Variants in SLC35F4 observed in about 807,000 individuals in gnomAD.
The protein encoded by SLC35F4 is solute carrier family 35 member F4.
In SLC35F4, 24 loss-of-function variants were observed where a neutral mutation model predicts 44.2. That is an observed-to-expected ratio of 0.54 (90% CI 0.39 to 0.76). The LOEUF is 0.76. Ranked by LOEUF, SLC35F4 falls within the 30% of genes least tolerant of loss-of-function variation. The pLI is 0.00. For missense variants in SLC35F4, 562 were observed against 586.1 expected, an observed-to-expected ratio of 0.96 and a Z score of 0.42; for synonymous variants, 238 against 223.6, an observed-to-expected ratio of 1.06 and a Z score of -0.57.
rs866729953 is a variant in SLC35F4 at position 57,865,868 on chromosome 14, G to C, written c.-43C>G. The C allele has an allele frequency of 7.1e-7, 1 of 1,405,128 alleles. No individual in the cohort carries two copies. The highest frequency in any genetic ancestry group is 9.5e-7 in the Non-Finnish European group (1 of 1,054,374). The allele number at this position is 1,405,128 out of a possible 1,614,324, so 87.0% of individuals were successfully genotyped here. A position where few individuals can be genotyped will look rare whatever the true frequency, so the allele number is the denominator to read the frequency against. On this transcript the variant is annotated 5_prime_UTR_variant, in exon 1 of 8. Coordinates refer to ENST00000556826, the MANE Select transcript of SLC35F4 (RefSeq NM_001306087.2). Reference sequence around the variant, plus strand: ...GGCCCCGAGTGCGGCGGGGCGGAGAGCGCAGCGCGGGGCCCGGGAGCTGGT... The same window carrying C: ...GGCCCCGAGTGCGGCGGGGCGGAGACCGCAGCGCGGGGCCCGGGAGCTGGT...
chr14:57,618,832 T>C (rs1047968574), intron 1 of SLC35F4, among the ~76,000 whole-genome samples: 5 of 152,240 alleles, frequency 3.3e-5, no homozygotes, highest in African/African-American at 1.2e-4. Context: ...GAGGTGGACC[T>C]GGGATGCTAG....
At chr14:57,668,163 C>G (rs902035588) in intron 1 of SLC35F4, among the ~76,000 whole-genome samples, 17 of 150,912 alleles carry the variant, frequency 1.1e-4, no homozygotes, top group Non-Finnish European at 2.5e-4. Flanking sequence ...TATCCTTTGC[C>G]CACTTTTTGA....
rs143934890 is a variant in SLC35F4 at position 57,659,792 on chromosome 14, G to C, written c.104-65668C>G. 2.0e-3 allele frequency among the ~76,000 whole-genome samples: 304 copies of C among 152,230 alleles called. 1 individual carries two copies. The highest frequency in any genetic ancestry group is 6.4e-3 in the African/African-American group (267 of 41,550). Reference sequence around the variant, plus strand: ...AGGACAAATCACAGTTAGTGTCTTAGCTTAATAAACTTTACCTCCTCAAAA... The same window carrying C: ...AGGACAAATCACAGTTAGTGTCTTACCTTAATAAACTTTACCTCCTCAAAA... On this transcript the variant is annotated intron_variant, in intron 1 of 7. Coordinates refer to ENST00000556826, the MANE Select transcript of SLC35F4 (RefSeq NM_001306087.2).
At chr14:57,874,870 T>G (rs1888366781) in intron 1 of SLC35F4, among the ~76,000 whole-genome samples, 1 of 152,158 alleles carries the variant, frequency 6.6e-6, no homozygotes, top group African/African-American at 2.4e-5. Flanking sequence ...ACGATGTCTA[T>G]TTTCCAAAGT....
At chr14:57,970,755 A>G (rs1881028859) in intron 1 of SLC35F4, among the ~76,000 whole-genome samples, 1 of 152,130 alleles carries the variant, frequency 6.6e-6, no homozygotes, top group African/African-American at 2.4e-5. Context: ...TGGGCTCTGC[A>G]GCATCCCACT....
chr14:57,731,905 A>G (rs1365657298), intron 1 of SLC35F4, among the ~76,000 whole-genome samples: 1 of 152,196 alleles, frequency 6.6e-6, no homozygotes, highest in African/African-American at 2.4e-5. Context: ...CAAGTGATGA[A>G]GTTTTGATGT....
intron 1 of SLC35F4, among the ~76,000 whole-genome samples, chr14:57,772,383 AT>A (rs5808942): frequency 0.34 from 51,906 of 151,682 alleles, 10,086 homozygotes; most frequent in East Asian, 0.69. Flanking sequence ...TTTAGTTTTT[AT>A]TTTTTTTGAT....
intron 1 of SLC35F4, among the ~76,000 whole-genome samples, chr14:57,968,860 T>C (rs10459514): frequency 0.16 from 23,946 of 152,190 alleles, 1,995 homozygotes; most frequent in African/African-American, 0.17. Context: ...ATGTCAGAAA[T>C]ATTAGCAGTT....
chr14:57,703,060 G>C (rs1594834734), intron 1 of SLC35F4, among the ~76,000 whole-genome samples: 3 of 152,104 alleles, frequency 2.0e-5, no homozygotes, highest in Admixed American at 6.6e-5. Context: ...CAGCTCTTCT[G>C]CTAAGCCAGA....
intron 1 of SLC35F4, chr14:57,596,930 C>G (rs1360280041): frequency 1.5e-6 from 2 of 1,343,576 alleles, no homozygotes; most frequent in Middle Eastern, 4.2e-4. Flanking sequence ...TTAAACAATA[C>G]AAACTTTAAA....
chr14:57,750,732 T>TTTGTTG (rs143731317), intron 1 of SLC35F4, among the ~76,000 whole-genome samples: 36 of 151,946 alleles, frequency 2.4e-4, no homozygotes, highest in Admixed American at 4.6e-4. Context: ...ATTATTTGGG[T>TTTGTTG]TTGTTGTTGT....
intron 1 of SLC35F4, among the ~76,000 whole-genome samples, chr14:57,666,492 A>T (rs745568449): frequency 1.4e-4 from 22 of 152,170 alleles, no homozygotes; most frequent in Non-Finnish European, 2.4e-4. Context: ...TCTTCCCCAG[A>T]TGAGGTGAGG....
At chr14:57,874,957 G>T (rs978941351) in intron 1 of SLC35F4, among the ~76,000 whole-genome samples, 31 of 148,442 alleles carry the variant, frequency 2.1e-4, no homozygotes, top group African/African-American at 7.7e-4. Flanking sequence ...CTAATCTTTT[G>T]GAAGAGGCAG....
chr14:57,625,657 A>G (rs1002081507), intron 1 of SLC35F4, among the ~76,000 whole-genome samples: 3 of 152,150 alleles, frequency 2.0e-5, no homozygotes, highest in Non-Finnish European at 4.4e-5. Flanking sequence ...CACATCTACA[A>G]CCATCTGGTC....
chr14:57,957,616 C>T (rs538042525), intron 1 of SLC35F4, among the ~76,000 whole-genome samples: 4 of 152,174 alleles, frequency 2.6e-5, no homozygotes, highest in African/African-American at 7.2e-5. Context: ...TAAGATCAAA[C>T]AAGATGACAC....
At chr14:57,645,426 T>C (rs2073458838) in intron 1 of SLC35F4, among the ~76,000 whole-genome samples, 1 of 152,168 alleles carries the variant, frequency 6.6e-6, no homozygotes, top group South Asian at 2.1e-4. Context: ...TCTGTTTGTC[T>C]GTTATTGGTG....
chr14:57,845,679 T>A (rs1885955313), intron 1 of SLC35F4, among the ~76,000 whole-genome samples: 1 of 152,242 alleles, frequency 6.6e-6, no homozygotes, highest in Non-Finnish European at 1.5e-5. Context: ...TAAGCTTTTA[T>A]ATGTCAGAAG....
intron 1 of SLC35F4, among the ~76,000 whole-genome samples, chr14:57,908,534 T>C (rs913056641): frequency 3.3e-5 from 5 of 152,200 alleles, no homozygotes; most frequent in South Asian, 2.1e-4. Flanking sequence ...TCTCTAATGA[T>C]CAATAATGTT....
intron 1 of SLC35F4, among the ~76,000 whole-genome samples, chr14:57,827,715 T>C (rs1174329535): frequency 1.3e-5 from 2 of 151,314 alleles, no homozygotes; most frequent in African/African-American, 4.9e-5. Context: ...TGAGGCACAA[T>C]AGAAGCCAAT....
Sources: gnomAD v4.1 joint callset for allele counts (sites outside exome capture counted in the v4.1 genomes callset) on GRCh38, gnomAD v4.1.1 for gene constraint, MANE v1.5 for transcripts, NCBI Gene and HGNC (gene_info 2026-07-23, HGNC 2026-07-21) for gene names.